Variants in PARD3B observed in about 807,000 individuals in gnomAD.
The protein encoded by PARD3B is partitioning defective 3 homolog B.
PARD3B carries 103 observed loss-of-function variants against 130.2 expected under a neutral mutation model. The observed-to-expected ratio is 0.79, with a 90% CI of 0.67 to 0.93. PARD3B has a LOEUF of 0.93. Among genes scored for constraint, PARD3B ranks in the 40% least tolerant of loss-of-function variants. PARD3B has a pLI of 0.00. For synonymous variants in PARD3B, 583 were observed against 553.2 expected, an observed-to-expected ratio of 1.05 and a Z score of -0.76; for missense variants, 1,609 against 1,499.2, an observed-to-expected ratio of 1.07 and a Z score of -1.21.
intron 20 of PARD3B, among the ~76,000 whole-genome samples, chr2:205,453,814 A>T (rs1384474936): frequency 6.6e-6 from 1 of 152,214 alleles, no homozygotes; most frequent in African/African-American, 2.4e-5. Flanking sequence ...TTTTTGTTGC[A>T]GTTGTACATG....
At chr2:205,474,258 A>G (rs573265482) in intron 20 of PARD3B, among the ~76,000 whole-genome samples, 28 of 152,216 alleles carry the variant, frequency 1.8e-4, no homozygotes, top group African/African-American at 6.3e-4. Context: ...GGAAGAAAAA[A>G]ATAAAATTGC....
At chr2:204,995,390 AG>A (rs1466056989) in intron 3 of PARD3B, among the ~76,000 whole-genome samples, 1 of 146,708 alleles carries the variant, frequency 6.8e-6, no homozygotes, top group African/African-American at 2.5e-5. Context: ...CTTTTCTTTA[AG>A]AATGTTGAAT....
At chr2:205,051,244 A>G (rs1049554656) in intron 4 of PARD3B, among the ~76,000 whole-genome samples, 1 of 152,130 alleles carries the variant, frequency 6.6e-6, no homozygotes. Flanking sequence ...CTTGATTCCT[A>G]TGATTTGATA....
chr2:204,738,907 C>T (rs980221534), intron 2 of PARD3B, among the ~76,000 whole-genome samples: 1 of 152,074 alleles, frequency 6.6e-6, no homozygotes, highest in African/African-American at 2.4e-5. Flanking sequence ...GGTTTAAGGC[C>T]AACTGTATCA....
At chr2:205,232,663 C>CT (rs57347794) in intron 15 of PARD3B, among the ~76,000 whole-genome samples, 19,198 of 151,698 alleles carry the variant, frequency 0.13, 1,432 homozygotes, top group African/African-American at 0.21. Context: ...ATTCAAAAGC[C>CT]AAAGGAAAAT....
At chr2:204,883,402 A>G (rs1372650552) in intron 2 of PARD3B, among the ~76,000 whole-genome samples, 2 of 129,068 alleles carry the variant, frequency 1.5e-5, no homozygotes, top group African/African-American at 6.3e-5. Flanking sequence ...ATGTATATAT[A>G]TATTATATAT....
intron 2 of PARD3B, among the ~76,000 whole-genome samples, chr2:204,758,190 A>G (rs1171222310): frequency 6.6e-6 from 1 of 152,132 alleles, no homozygotes; most frequent in Admixed American, 6.6e-5. Flanking sequence ...CTTTTAAAGC[A>G]TGGCAGCTGA....
At position 205,339,630 on chromosome 2, in the gene PARD3B, A is replaced by C. The variant is rs146662828; in HGVS notation, c.2630+37929A>C. On this transcript the variant is annotated intron_variant, in intron 18 of 22. Coordinates refer to ENST00000406610, the MANE Select transcript of PARD3B (RefSeq NM_001302769.2). ...TAATTTTAGTCAGTAGTGCAGCAAC[A>C]TGTCTGCTAAGAAAAATAAAGTAAG... 5.3e-5 allele frequency among the ~76,000 whole-genome samples: 8 copies of C among 152,330 alleles called. 1 individual carries two copies. The East Asian group carries it at 1.5e-3, about 29-fold the overall frequency.
chr2:205,185,976 C>T (rs1393336582), intron 14 of PARD3B, 113 bp downstream of exon 14: 1 of 865,036 alleles, frequency 1.2e-6, no homozygotes, highest in African/African-American at 1.7e-5. Flanking sequence ...GAATGGAAAT[C>T]TTATAGTATC....
rs1264330897 is a variant in PARD3B, at chr2:205,590,202, TGA to T, written c.3261-25253_3261-25252del. On this transcript the variant is annotated intron_variant, in intron 22 of 22. Coordinates refer to ENST00000406610, the MANE Select transcript of PARD3B (RefSeq NM_001302769.2). The surrounding 1 kb of genome is among the most constrained non-coding windows in gnomAD (Gnocchi z 4.1). The stretch of plus-strand genomic sequence containing the variant: ...AATCTATTGGTAGATGTAACTGAAT[TGA>T]AAAGTCCAAGGACAGACTTATCTTC... Among the ~76,000 whole-genome samples the T allele has an allele frequency of 2.0e-5, 3 of 152,216 alleles. No homozygotes were observed. The highest frequency in any genetic ancestry group is 1.3e-4 in the Admixed American group (2 of 15,286).
chr2:205,274,104 T>C lies in PARD3B; in HGVS notation c.2186-26426T>C, dbSNP rs570459223. ...CTAGATCTGGACAAATATAGTTTTT[T>C]TAAAAAAAGTCTATTTTATTTTCCC... On this transcript the variant is annotated intron_variant, in intron 16 of 22. Coordinates refer to ENST00000406610, the MANE Select transcript of PARD3B (RefSeq NM_001302769.2). The surrounding 1 kb of genome is among the most constrained non-coding windows in gnomAD (Gnocchi z 4.2). 1.1e-3 allele frequency among the ~76,000 whole-genome samples: 163 copies of C among 152,288 alleles called. No individual in the cohort carries two copies. The highest frequency in any genetic ancestry group is 3.7e-3 in the African/African-American group (152 of 41,570).
At chr2:205,212,116 C>T (rs1399924821) in intron 15 of PARD3B, among the ~76,000 whole-genome samples, 3 of 151,978 alleles carry the variant, frequency 2.0e-5, no homozygotes, top group African/African-American at 7.2e-5. Context: ...GTGCCCAGTC[C>T]TCTCACTTGA....
At chr2:205,516,914 CTCT>C (rs1460140856) in intron 21 of PARD3B, among the ~76,000 whole-genome samples, 6 of 151,996 alleles carry the variant, frequency 3.9e-5, no homozygotes, top group Admixed American at 3.9e-4. Flanking sequence ...TCATAGATGG[CTCT>C]TATTATTTTG....
rs570489386 is a variant in PARD3B, at chr2:205,028,249, A to T, written c.395-19332A>T. Among the ~76,000 whole-genome samples the T allele has an allele frequency of 5.9e-5, 9 of 152,250 alleles. No homozygotes were observed. The South Asian group carries it at 1.9e-3, about 32-fold the overall frequency. ...TGAGTCTTCAATTTCTTTCAACAAC[A>T]TCTTATAGTTTTTGATGTACAGATC... On this transcript the variant is annotated intron_variant, in intron 3 of 22. Transcript: ENST00000406610.
chr2:204,875,386 A>G (rs952546216), intron 2 of PARD3B, among the ~76,000 whole-genome samples: 1 of 152,182 alleles, frequency 6.6e-6, no homozygotes, highest in African/African-American at 2.4e-5. Flanking sequence ...CTAGTTTTCA[A>G]TTCCTTTGTG....
intron 2 of PARD3B, among the ~76,000 whole-genome samples, chr2:204,793,128 G>A (rs926546108): frequency 2.6e-5 from 4 of 152,288 alleles, no homozygotes; most frequent in Admixed American, 2.6e-4. Context: ...GACTTTGACA[G>A]TGATTTGTAT....
intron 18 of PARD3B, among the ~76,000 whole-genome samples, chr2:205,381,097 A>ATTATATATATT (rs1559035747): frequency 5.2e-5 from 5 of 96,874 alleles, no homozygotes; most frequent in South Asian, 2.9e-4. Context: ...AAGAATATAT[A>ATTATATATATT]ATATATAAAG....
chr2:205,259,658 C>T (rs2040226553), intron 16 of PARD3B, among the ~76,000 whole-genome samples: 2 of 152,040 alleles, frequency 1.3e-5, no homozygotes, highest in Non-Finnish European at 2.9e-5. Context: ...ATTCTGTCTC[C>T]TCTTTGTGGA....
At chr2:205,607,831 T>TACACAC (rs776583001) in intron 22 of PARD3B, among the ~76,000 whole-genome samples, 2,557 of 116,116 alleles carry the variant, frequency 0.022, 57 homozygotes, top group Admixed American at 0.036. Context: ...CCAACACCCA[T>TACACAC]ACACACACAC....
Sources: allele counts gnomAD v4.1 joint callset (sites outside exome capture counted in the v4.1 genomes callset), GRCh38; gene constraint gnomAD v4.1.1; non-coding constraint Gnocchi (gnomAD v3.1); transcripts MANE v1.5; gene names NCBI Gene and HGNC (gene_info 2026-07-23, HGNC 2026-07-21).